The following PYGB variants were observed in gnomAD, a reference collection of about 807,000 sequenced individuals.
PYGB encodes the protein glycogen phosphorylase, brain form.
In PYGB, 82 loss-of-function variants were observed where a neutral mutation model predicts 94.3. The observed-to-expected ratio is 0.87, with a 90% CI of 0.73 to 1.04. The LOEUF (loss-of-function observed/expected upper bound fraction) is 1.04, where lower values mean the gene tolerates loss of function less well. Among genes scored for constraint, PYGB ranks in the 50% least tolerant of loss-of-function variants. The probability of loss-of-function intolerance (pLI) is 0.00; values close to 1 mark genes in which losing one functional copy is unlikely to be tolerated. For synonymous variants in PYGB, 488 were observed against 479.1 expected (o/e 1.02, Z -0.24); for missense variants, 1,132 against 1,158.2 (o/e 0.98, Z 0.33).
intron 19 of PYGB, among the ~76,000 whole-genome samples, chr20:25,295,976 A>T (rs1041593193): frequency 5.9e-5 from 9 of 152,176 alleles, no homozygotes; most frequent in African/African-American, 1.9e-4. Context: ...CCTCGAGGAA[A>T]GGCTGGCCTG....
At chr20:25,248,594 G>T (rs6050485) in intron 1 of PYGB, among the ~76,000 whole-genome samples, 173 bp downstream of exon 1, 9,893 of 152,024 alleles carry the variant, frequency 0.065, 1,000 homozygotes, top group African/African-American at 0.22. Flanking sequence ...AGTCGGCGGG[G>T]CCCGGGCGTC....
At chr20:25,284,321 A>G in intron 14 of PYGB, 70 bp downstream of exon 14, 2 of 1,564,684 alleles carry the variant, frequency 1.3e-6, no homozygotes, top group Non-Finnish European at 1.7e-6. Context: ...CCAGCTGTGC[A>G]CAGACCCTGG....
intron 18 of PYGB, chr20:25,294,946 G>A (rs375945055): frequency 7.4e-6 from 12 of 1,613,582 alleles, no homozygotes; most frequent in South Asian, 3.3e-5. Context: ...GCTGCTCTTC[G>A]ATGACCGTGT....
chr20:25,280,538 T>C, intron 10 of PYGB, 126 bp downstream of exon 10: 1 of 1,328,332 alleles, frequency 7.5e-7, no homozygotes. Flanking sequence ...CAGAGGATGC[T>C]TGGGGCTGGG....
At chr20:25,265,446 T>C (rs1343496835) in intron 2 of PYGB, among the ~76,000 whole-genome samples, 2 of 152,242 alleles carry the variant, frequency 1.3e-5, no homozygotes, top group African/African-American at 4.8e-5. Flanking sequence ...TGGTATGTTA[T>C]AGTTTTTATT....
At chr20:25,256,043 CTTTT>C (rs879018002) in intron 1 of PYGB, among the ~76,000 whole-genome samples, 5 of 152,160 alleles carry the variant, frequency 3.3e-5, no homozygotes, top group African/African-American at 4.8e-5. Context: ...CCAGCTCTTT[CTTTT>C]GTTTCCCTGA....
intron 5 of PYGB, 129 bp downstream of exon 5, chr20:25,274,852 AG>A: frequency 1.4e-6 from 2 of 1,387,934 alleles, no homozygotes; most frequent in Non-Finnish European, 1.9e-6. Context: ...TTAAGGTAAA[AG>A]CCGGGGGAGG....
intron 2 of PYGB, among the ~76,000 whole-genome samples, chr20:25,261,477 T>G (rs569840107): frequency 1.1e-4 from 17 of 152,340 alleles, no homozygotes; most frequent in African/African-American, 3.1e-4. Context: ...AAACCCCGTC[T>G]GTACGTCACC....
intron 6 of PYGB, among the ~76,000 whole-genome samples, chr20:25,277,015 T>C (rs1235620867): frequency 1.4e-5 from 2 of 146,954 alleles, no homozygotes; most frequent in Non-Finnish European, 3.0e-5. Flanking sequence ...GTGCAGATCA[T>C]GTGCCCCTGG....
rs574625224 is a variant in PYGB, at chr20:25,254,496, G to A, written c.244-4741G>A. 2.0e-5 allele frequency among the ~76,000 whole-genome samples: 3 copies of A among 152,348 alleles called. No homozygotes were observed. In the South Asian group the frequency reaches 6.2e-4, roughly 32 times the overall value. On this transcript the variant is annotated intron_variant, in intron 1 of 19. Transcript: ENST00000216962. ...CATTCTTAGGATACGGTGAAGGGAA[G>A]AGAAGTGAACACAGATTTAGAAAGG...
rs2092875457 is a variant in PYGB, at chr20:25,248,090, A to G, written c.-89A>G. 4 of 1,296,582 alleles carry G rather than the reference A, an allele frequency of 3.1e-6. No individual in the cohort carries two copies. The South Asian group carries it at 4.8e-5, about 16-fold the overall frequency. The allele number at this position is 1,296,582 out of a possible 1,614,324, so 80.3% of individuals were successfully genotyped here. On this transcript the variant is annotated 5_prime_UTR_variant, in exon 1 of 20. Coordinates refer to ENST00000216962, the MANE Select transcript of PYGB (RefSeq NM_002862.4). ...GAGCCGCAGTGCCGGGCGCCAGAGC[A>G]GCGGCGCCAGAGCAGCTGCACCATC...
intron 17 of PYGB, 84 bp downstream of exon 17, chr20:25,292,697 C>T (rs1467290560): frequency 2.0e-6 from 3 of 1,477,586 alleles, no homozygotes; most frequent in Non-Finnish European, 2.7e-6. Context: ...CTGGACTGGG[C>T]TCTTGGGGCC....
intron 10 of PYGB, among the ~76,000 whole-genome samples, chr20:25,280,731 C>T (rs1385700196): frequency 2.0e-5 from 3 of 152,208 alleles, no homozygotes; most frequent in Non-Finnish European, 4.4e-5. Flanking sequence ...GCGAGAGCCT[C>T]CTCCTCAAGC....
chr20:25,259,030 C>T (rs560939836), intron 1 of PYGB, among the ~76,000 whole-genome samples: 60 of 152,252 alleles, frequency 3.9e-4, no homozygotes, highest in African/African-American at 1.4e-3. Flanking sequence ...AAGAGAAGGC[C>T]GTGTTGAGGA....
intron 4 of PYGB, among the ~76,000 whole-genome samples, chr20:25,272,446 C>T (rs2088275711): frequency 6.6e-6 from 1 of 152,360 alleles, no homozygotes; most frequent in Middle Eastern, 3.4e-3. Context: ...AGCTGCTGTC[C>T]ATGACACGCA....
At position 25,256,379 on chromosome 20, in the gene PYGB, ACT is replaced by A. The variant is rs140199317; in HGVS notation, c.244-2855_244-2854del. ...GTTGTGTAGGCTTTGCATGTGATAA[ACT>A]CTGTTAAAAAAAAAAAAGTGGAGGG... On this transcript the variant is annotated intron_variant, in intron 1 of 19. Coordinates refer to ENST00000216962, the MANE Select transcript of PYGB (RefSeq NM_002862.4). Among the ~76,000 whole-genome samples, 86 of 150,858 alleles carry A rather than the reference ACT, an allele frequency of 5.7e-4. 1 individual carries two copies. The East Asian group carries it at 0.016, about 28-fold the overall frequency.
chr20:25,289,608 C>T (rs546976004), intron 15 of PYGB, among the ~76,000 whole-genome samples: 1 of 151,904 alleles, frequency 6.6e-6, no homozygotes, highest in South Asian at 2.1e-4. Flanking sequence ...TGCACTACTG[C>T]ACTCCAGTGT....
intron 14 of PYGB, chr20:25,284,866 C>G (rs1341511256): frequency 6.6e-6 from 1 of 152,164 alleles, no homozygotes; most frequent in African/African-American, 2.4e-5. Flanking sequence ...TCTTATATGT[C>G]TAAGGACATT....
intron 12 of PYGB, among the ~76,000 whole-genome samples, chr20:25,282,893 A>G (rs1054788512): frequency 1.3e-5 from 2 of 152,158 alleles, no homozygotes; most frequent in Non-Finnish European, 2.9e-5. Flanking sequence ...GGGATGTTCA[A>G]TGTCAGAGAA....
Sources: allele counts gnomAD v4.1 joint callset (sites outside exome capture counted in the v4.1 genomes callset), GRCh38; gene constraint gnomAD v4.1.1; transcripts MANE v1.5; gene names NCBI Gene and HGNC (gene_info 2026-07-23, HGNC 2026-07-21).